The following AOPEP variants were observed in gnomAD, a reference collection of about 807,000 sequenced individuals.
The protein encoded by AOPEP is aminopeptidase O.
AOPEP carries 77 observed loss-of-function variants against 98.1 expected under a neutral mutation model. The observed-to-expected ratio is 0.78, with a 90% CI of 0.65 to 0.95. The LOEUF (loss-of-function observed/expected upper bound fraction) is 0.95. Among genes scored for constraint, AOPEP ranks in the 40% least tolerant of loss-of-function variants. The pLI is 0.00. For missense variants in AOPEP, 1,024 were observed against 1,024.7 expected (o/e 1.00, Z 0.01); for synonymous variants, 346 against 365.3 (o/e 0.95, Z 0.60).
intron 1 of AOPEP, among the ~76,000 whole-genome samples, chr9:94,753,240 G>A (rs748065844): frequency 1.8e-4 from 27 of 152,270 alleles, no homozygotes; most frequent in Middle Eastern, 3.4e-3. Flanking sequence ...GGAAGGAGTG[G>A]AATGTATAAA....
intron 14 of AOPEP, among the ~76,000 whole-genome samples, chr9:95,062,337 G>A (rs900017994): frequency 6.6e-6 from 1 of 152,112 alleles, no homozygotes; most frequent in Admixed American, 6.5e-5. Flanking sequence ...TTGAGATAAC[G>A]CAGAAAGGCT....
intron 1 of AOPEP, among the ~76,000 whole-genome samples, chr9:94,733,950 T>C (rs1330160484): frequency 6.6e-6 from 1 of 152,232 alleles, no homozygotes; most frequent in East Asian, 1.9e-4. Flanking sequence ...GGCACCCATT[T>C]GCAGTGTGTA....
intron 13 of AOPEP, among the ~76,000 whole-genome samples, chr9:95,022,842 A>G (rs1331222472): frequency 6.6e-6 from 1 of 152,198 alleles, no homozygotes; most frequent in Non-Finnish European, 1.5e-5. Context: ...CCCCTTGCCC[A>G]GAACATGTGT....
In AOPEP at chr9:94,979,416, G is replaced by A. The variant is rs144960999; in HGVS notation, c.1966G>A (p.Gly656Arg). The change falls in exon 11 of 17, where the codon GGA becomes AGA. Residue 656 changes from glycine to arginine, a missense_variant. This residue lies in a region of AOPEP where 566 missense variants were observed against 551.7 expected (regional missense o/e 1.03). Coordinates refer to ENST00000375315, the MANE Select transcript of AOPEP (RefSeq NM_001193329.3). ...NIYQDWLESS[G>R]IPKPLQRERR... ...CTACCAAGACTGGCTTGAGAGTTCCGGAATACCAAAGGTAACTCAAGATAA... is the reference window on the plus strand; with the variant it reads ...CTACCAAGACTGGCTTGAGAGTTCCAGAATACCAAAGGTAACTCAAGATAA... The A allele has an allele frequency of 1.8e-5, 29 of 1,597,878 alleles. No individual in the cohort carries two copies. The highest frequency in any genetic ancestry group is 1.7e-4 in the Middle Eastern group (1 of 6,060).
chr9:95,055,515 T>C (rs899618297), intron 13 of AOPEP, among the ~76,000 whole-genome samples: 1 of 152,164 alleles, frequency 6.6e-6, no homozygotes, highest in African/African-American at 2.4e-5. Flanking sequence ...GATGACTTAG[T>C]TTATAAGTTC....
intron 5 of AOPEP, among the ~76,000 whole-genome samples, chr9:94,810,914 T>G (rs1379181605): frequency 6.6e-6 from 1 of 152,164 alleles, no homozygotes; most frequent in Non-Finnish European, 1.5e-5. Flanking sequence ...GTGAAAAGCA[T>G]CATTTTCAAA....
the AOPEP span, among the ~76,000 whole-genome samples, chr9:95,119,195 T>C: frequency 6.6e-6 from 1 of 152,226 alleles, no homozygotes; most frequent in Non-Finnish European, 1.5e-5. Flanking sequence ...TTATGTATCT[T>C]TTTTGAAAGT....
chr9:94,940,655 C>T (rs562448189), intron 7 of AOPEP, among the ~76,000 whole-genome samples: 2 of 152,250 alleles, frequency 1.3e-5, no homozygotes, highest in Admixed American at 1.3e-4. Context: ...CAATTTCCTA[C>T]AGTTCAGGTA....
intron 1 of AOPEP, among the ~76,000 whole-genome samples, chr9:94,729,725 C>G (rs1429329618): frequency 2.0e-5 from 3 of 152,144 alleles, no homozygotes; most frequent in Non-Finnish European, 4.4e-5. Context: ...ATGCCTGTAG[C>G]AGACCTCTCC....
rs1003994408 is a variant in AOPEP, at chr9:94,728,677, G to A, written c.-136+1926G>A. ...GGAAACAGGAAGATGCTGAGGTCAAGGATTTAGAGGGCTGGATGATTGATG... is the reference window on the plus strand; with the variant it reads ...GGAAACAGGAAGATGCTGAGGTCAAAGATTTAGAGGGCTGGATGATTGATG... On this transcript the variant is annotated intron_variant, in intron 1 of 16. Coordinates refer to ENST00000375315, the MANE Select transcript of AOPEP (RefSeq NM_001193329.3). 2.6e-5 allele frequency among the ~76,000 whole-genome samples: 4 copies of A among 152,186 alleles called. No homozygotes were observed. In the East Asian group the frequency reaches 7.7e-4, roughly 29 times the overall value.
intron 5 of AOPEP, among the ~76,000 whole-genome samples, chr9:94,912,934 T>C (rs1213224287): frequency 2.0e-5 from 3 of 152,238 alleles, no homozygotes; most frequent in Non-Finnish European, 4.4e-5. Flanking sequence ...TCCAGTGATA[T>C]TGTTTCAAGA....
At chr9:95,093,908 T>C in the AOPEP span, among the ~76,000 whole-genome samples, 1 of 152,222 alleles carries the variant, frequency 6.6e-6, no homozygotes, top group African/African-American at 2.4e-5. Flanking sequence ...GGCCTCTCTG[T>C]GTTTGCATTT....
At chr9:94,903,169 G>A (rs2050649918) in intron 5 of AOPEP, among the ~76,000 whole-genome samples, 1 of 151,692 alleles carries the variant, frequency 6.6e-6, no homozygotes, top group Non-Finnish European at 1.5e-5. Flanking sequence ...TTTGTGGAGA[G>A]ACGGGGTTTT....
intron 10 of AOPEP, among the ~76,000 whole-genome samples, chr9:94,974,799 T>A (rs1053407841): frequency 6.6e-6 from 1 of 152,158 alleles, no homozygotes; most frequent in Admixed American, 6.5e-5. Context: ...AAGCCTGAGT[T>A]TAGCACGGAA....
At chr9:94,997,090 G>T (rs545393396) in intron 11 of AOPEP, among the ~76,000 whole-genome samples, 1 of 152,266 alleles carries the variant, frequency 6.6e-6, no homozygotes, top group South Asian at 2.1e-4. Flanking sequence ...GGTTCCTAAA[G>T]ATAAGGATGT....
chr9:94,829,057 C>G (rs865905806), intron 5 of AOPEP, among the ~76,000 whole-genome samples: 1 of 151,634 alleles, frequency 6.6e-6, no homozygotes, highest in Non-Finnish European at 1.5e-5. Flanking sequence ...TTATTAGAGG[C>G]GGGGTTTCAC....
At chr9:94,730,321 G>GTCT (rs1830236356) in intron 1 of AOPEP, among the ~76,000 whole-genome samples, 1 of 151,316 alleles carries the variant, frequency 6.6e-6, no homozygotes, top group South Asian at 2.1e-4. Context: ...TGGACCATTG[G>GTCT]TCTTCTTCTG....
intron 3 of AOPEP, among the ~76,000 whole-genome samples, chr9:94,776,528 C>T (rs1034812380): frequency 6.6e-6 from 1 of 152,186 alleles, no homozygotes; most frequent in African/African-American, 2.4e-5. Flanking sequence ...GCTCGAACTC[C>T]TGAGCTAAGG....
chr9:94,816,033 T>G (rs1385389533), intron 5 of AOPEP, among the ~76,000 whole-genome samples: 3 of 152,192 alleles, frequency 2.0e-5, no homozygotes, highest in African/African-American at 7.2e-5. Flanking sequence ...TGTTAATATA[T>G]TTTCTTAGGG....
Sources: allele counts gnomAD v4.1 joint callset (sites outside exome capture counted in the v4.1 genomes callset), GRCh38; gene constraint gnomAD v4.1.1; regional missense constraint gnomAD v4.1.1; transcripts MANE v1.5; gene names NCBI Gene and HGNC (gene_info 2026-07-23, HGNC 2026-07-21).